The following STK4 variants were observed in gnomAD, a reference collection of about 807,000 sequenced individuals.
STK4 encodes the protein serine/threonine kinase 4, also known as serine/threonine-protein kinase 4.
A neutral mutation model predicts 64.9 loss-of-function variants in STK4; 30 were observed. The ratio of observed to expected loss-of-function variants is 0.46; its 90% CI spans 0.35 to 0.63. STK4 has a LOEUF of 0.63. Among genes scored for constraint, STK4 ranks in the 20% least tolerant of loss-of-function variants. The probability of loss-of-function intolerance (pLI) is 0.01; values close to 1 mark genes in which losing one functional copy is unlikely to be tolerated. For synonymous variants in STK4, 177 were observed against 199.0 expected, an observed-to-expected ratio of 0.89 and a Z score of 0.93; for missense variants, 466 against 598.5, an observed-to-expected ratio of 0.78 and a Z score of 2.31.
chr20:45,004,403 A>G (rs1017041240), intron 9 of STK4: 2 of 151,834 alleles, frequency 1.3e-5, no homozygotes, highest in Non-Finnish European at 2.9e-5. Flanking sequence ...GGCCACAACC[A>G]ATTTTTTCTT....
intron 1 of STK4, among the ~76,000 whole-genome samples, chr20:44,968,403 G>C (rs758599232): frequency 6.6e-6 from 1 of 152,194 alleles, no homozygotes; most frequent in Non-Finnish European, 1.5e-5. Flanking sequence ...TCTCAAAGTG[G>C]TGGGATTACA....
At chr20:44,974,948 T>G (rs529137996) in intron 2 of STK4, 1 of 152,170 alleles carries the variant, frequency 6.6e-6, no homozygotes, top group East Asian at 1.9e-4. Flanking sequence ...CCAGGATGAG[T>G]GGAGAGCACT....
intron 10 of STK4, among the ~76,000 whole-genome samples, chr20:45,026,692 G>T (rs2068354163): frequency 6.6e-6 from 1 of 152,168 alleles, no homozygotes. Flanking sequence ...TATTTAAAAG[G>T]TATTATTCTA....
At chr20:45,053,255 C>A in intron 10 of STK4, 1 of 1,301,064 alleles carries the variant, frequency 7.7e-7, no homozygotes, top group Non-Finnish European at 1.1e-6. Context: ...CTGATTTGAG[C>A]TGGGTTTTTA....
At chr20:45,070,441 G>C (rs530749660) in intron 10 of STK4, among the ~76,000 whole-genome samples, 1 of 152,132 alleles carries the variant, frequency 6.6e-6, no homozygotes, top group East Asian at 1.9e-4. Context: ...GGCAGGAGGC[G>C]GGGGTGAGGG....
chr20:45,077,898 T>G lies in STK4; in HGVS notation c.*2722T>G, dbSNP rs1980638169. 1 of 152,370 alleles carries G rather than the reference T, an allele frequency of 6.6e-6. No homozygotes were observed. Among genetic ancestry groups the G allele is most frequent in the South Asian group, 2.1e-4 (1 of 4,832 alleles). 9.4% of individuals were successfully genotyped at this position (152,370 alleles called of 1,614,324 possible). A position where few individuals can be genotyped will look rare whatever the true frequency, so the allele number is the denominator to read the frequency against. ...CAACAAAGTCTATTGCTTACCAGTC[T>G]AGCTTGATGAAGCCTTTTGGCCAGA... On this transcript the variant is annotated 3_prime_UTR_variant, in exon 11 of 11. Transcript: ENST00000372806.
At chr20:45,067,929 T>G (rs1002818485) in intron 10 of STK4, among the ~76,000 whole-genome samples, 5 of 152,214 alleles carry the variant, frequency 3.3e-5, no homozygotes, top group Non-Finnish European at 5.9e-5. Flanking sequence ...GTATGTGGTA[T>G]GTGTCCTGTA....
At chr20:44,993,465 C>T (rs990737047) in intron 5 of STK4, among the ~76,000 whole-genome samples, 1 of 152,130 alleles carries the variant, frequency 6.6e-6, no homozygotes, top group African/African-American at 2.4e-5. Context: ...TTGACTATCA[C>T]CATTTGAAAA....
intron 2 of STK4, chr20:44,975,302 C>G: frequency 2.1e-6 from 2 of 956,370 alleles, no homozygotes; most frequent in Non-Finnish European, 2.5e-6. Flanking sequence ...ATCTTCTAAC[C>G]ACCCCCTATC....
chr20:45,046,921 C>T (rs2068705807), intron 10 of STK4, among the ~76,000 whole-genome samples: 1 of 152,106 alleles, frequency 6.6e-6, no homozygotes. Flanking sequence ...ACCTCGTGAT[C>T]TGCCCGCCTC....
chr20:45,038,342 C>T (rs1260347290), intron 10 of STK4, among the ~76,000 whole-genome samples: 1 of 151,226 alleles, frequency 6.6e-6, no homozygotes, highest in Non-Finnish European at 1.5e-5. Flanking sequence ...CTTTATCATA[C>T]TTTTACAAAT....
In STK4 at chr20:45,005,475, C is replaced by A. The variant is rs1339173916; in HGVS notation, c.1147+4122C>A. On this transcript the variant is annotated intron_variant, in intron 9 of 10. Transcript: ENST00000372806. ...CCTGGCTAACATGGTGAAACCCCGT[C>A]TCTACTAAACAAAATACAAAATATT... Among the ~76,000 whole-genome samples the A allele has an allele frequency of 4.0e-5, 6 of 151,878 alleles. No individual in the cohort carries two copies. The South Asian group carries it at 1.2e-3, about 32-fold the overall frequency.
chr20:45,020,458 GTGTGTGTGTATGTT>G (rs774497311), intron 9 of STK4, among the ~76,000 whole-genome samples: 3,272 of 133,168 alleles, frequency 0.025, 43 homozygotes, highest in Non-Finnish European at 0.035. Context: ...GTGTGTGTGT[GTGTGTGTGTATGTT>G]TATGTTTATG....
intron 10 of STK4, among the ~76,000 whole-genome samples, chr20:45,067,384 C>T (rs1979667644): frequency 6.6e-6 from 1 of 152,166 alleles, no homozygotes. Flanking sequence ...ATATATGATA[C>T]ATATGGAATT....
At chr20:45,039,282 G>A (rs746646071) in intron 10 of STK4, among the ~76,000 whole-genome samples, 16 of 151,974 alleles carry the variant, frequency 1.1e-4, no homozygotes, top group Non-Finnish European at 2.4e-4. Flanking sequence ...CAGTTACATG[G>A]ATCTTCTAAA....
chr20:45,042,206 T>C (rs1440030609), intron 10 of STK4, among the ~76,000 whole-genome samples: 4 of 125,126 alleles, frequency 3.2e-5, no homozygotes, highest in African/African-American at 1.1e-4. Flanking sequence ...CTTAGACACA[T>C]ATTTTTCACT....
chr20:45,054,559 CTTTTT>C (rs776492833), intron 10 of STK4, among the ~76,000 whole-genome samples: 1 of 71,674 alleles, frequency 1.4e-5, no homozygotes, highest in African/African-American at 5.2e-5. Context: ...GACACCCTAT[CTTTTT>C]TTTTTTTTTT....
At chr20:44,993,283 A>G (rs1173881809) in intron 5 of STK4, among the ~76,000 whole-genome samples, 2 of 152,070 alleles carry the variant, frequency 1.3e-5, no homozygotes, top group Non-Finnish European at 2.9e-5. Context: ...CACATATGCC[A>G]TAGTGAACTT....
At chr20:45,004,754 C>T (rs1451281107) in intron 9 of STK4, among the ~76,000 whole-genome samples, 2 of 149,888 alleles carry the variant, frequency 1.3e-5, no homozygotes. Context: ...CTTTTTTTCT[C>T]CTTTTTTTTT....
Sources: gnomAD v4.1 joint callset for allele counts (sites outside exome capture counted in the v4.1 genomes callset) on GRCh38, gnomAD v4.1.1 for gene constraint, MANE v1.5 for transcripts, NCBI Gene and HGNC (gene_info 2026-07-23, HGNC 2026-07-21) for gene names.